PPP2R2B: variants seen among roughly 807,000 people sequenced by gnomAD.
The protein encoded by PPP2R2B is serine/threonine-protein phosphatase 2A 55 kDa regulatory subunit B beta isoform.
A neutral mutation model predicts 46.0 loss-of-function variants in PPP2R2B; 5 were observed. That is an observed-to-expected ratio of 0.11 (90% CI 0.06 to 0.23). The LOEUF is 0.23. PPP2R2B is among the 10% of genes least tolerant of loss of function. The probability of loss-of-function intolerance (pLI) is 1.00; values close to 1 mark genes in which losing one functional copy is unlikely to be tolerated. For missense variants in PPP2R2B, 367 were observed against 575.0 expected (o/e 0.64, Z 3.70); for synonymous variants, 215 against 206.7 (o/e 1.04, Z -0.34).
chr5:146,598,347 A>AC (rs1456020423), intron 8 of PPP2R2B, among the ~76,000 whole-genome samples: 1 of 152,018 alleles, frequency 6.6e-6, no homozygotes. Flanking sequence ...GTTTCCCCAA[A>AC]TCTCTCTTGC....
intron 2 of PPP2R2B, among the ~76,000 whole-genome samples, chr5:146,792,837 G>A (rs1194030292): frequency 6.6e-6 from 1 of 152,136 alleles, no homozygotes; most frequent in Non-Finnish European, 1.5e-5. Context: ...TAAACCGAAG[G>A]ACAGATGATG....
chr5:147,002,485 A>G (rs1329883377), intron 1 of PPP2R2B, among the ~76,000 whole-genome samples: 4 of 152,184 alleles, frequency 2.6e-5, no homozygotes, highest in East Asian at 1.9e-4. Context: ...TAAAGTCCCA[A>G]TACTAACAGG....
intron 1 of PPP2R2B, among the ~76,000 whole-genome samples, chr5:147,040,542 G>A (rs1332654010): frequency 2.6e-5 from 4 of 152,218 alleles, no homozygotes; most frequent in African/African-American, 7.2e-5. Context: ...GAAATTGTAG[G>A]AGAACCAGTT....
chr5:146,981,955 G>T lies in PPP2R2B; in HGVS notation c.79+73710C>A, dbSNP rs146085248. Reference sequence around the variant, plus strand: ...AACCTCTGCAGCAGTTGGCCCAGGTGGTCAGCATTTGGTCAATGATGGAGT... The same window carrying T: ...AACCTCTGCAGCAGTTGGCCCAGGTTGTCAGCATTTGGTCAATGATGGAGT... On this transcript the variant is annotated intron_variant, in intron 1 of 8. Coordinates refer to the PPP2R2B transcript ENST00000336640. 1.3e-3 allele frequency among the ~76,000 whole-genome samples: 205 copies of T among 152,234 alleles called. 1 individual carries two copies. The highest frequency in any genetic ancestry group is 4.5e-3 in the African/African-American group (188 of 41,554).
chr5:147,000,796 G>A (rs1163213325), intron 1 of PPP2R2B, among the ~76,000 whole-genome samples: 1 of 152,066 alleles, frequency 6.6e-6, no homozygotes, highest in African/African-American at 2.4e-5. Context: ...AGCACCATCA[G>A]CAAATGTCCC....
chr5:147,065,784 A>G (rs371196271), intron 2 of PPP2R2B, among the ~76,000 whole-genome samples: 1 of 152,200 alleles, frequency 6.6e-6, no homozygotes. Context: ...GGTGTTTGGG[A>G]GGGCTTTCGG....
At chr5:146,590,437 A>AT (rs1770520081) in intron 9 of PPP2R2B, among the ~76,000 whole-genome samples, 1 of 113,418 alleles carries the variant, frequency 8.8e-6, no homozygotes, top group Non-Finnish European at 1.7e-5. Context: ...AAGCAATAGG[A>AT]TTTTTGGCTG....
intron 1 of PPP2R2B, among the ~76,000 whole-genome samples, chr5:146,885,334 A>AGT (rs368187039): frequency 2.6e-5 from 4 of 151,998 alleles, no homozygotes; most frequent in South Asian, 2.1e-4. Flanking sequence ...AGCTATTGTG[A>AGT]GTGTGTGTGT....
chr5:146,637,701 T>C (rs1485488186), intron 7 of PPP2R2B, among the ~76,000 whole-genome samples: 2 of 152,208 alleles, frequency 1.3e-5, no homozygotes, highest in African/African-American at 2.4e-5. Context: ...ATAGTCACAA[T>C]CTCTCCAAGA....
At chr5:146,704,457 T>G (rs1387830740) in intron 2 of PPP2R2B, among the ~76,000 whole-genome samples, 3 of 152,258 alleles carry the variant, frequency 2.0e-5, no homozygotes, top group African/African-American at 4.8e-5. Flanking sequence ...TTTCATTAAC[T>G]GCTCAGCCTA....
chr5:146,849,268 T>G (rs1366987035), intron 2 of PPP2R2B, among the ~76,000 whole-genome samples: 2 of 152,212 alleles, frequency 1.3e-5, no homozygotes, highest in African/African-American at 4.8e-5. Flanking sequence ...CCTATGTATA[T>G]CTACATAAAT....
chr5:146,767,414 G>A lies in PPP2R2B; in HGVS notation c.71-66272C>T, dbSNP rs117002561. Among the ~76,000 whole-genome samples the A allele has an allele frequency of 9.2e-4, 140 of 152,208 alleles. No individual in the cohort carries two copies. In the East Asian group the frequency reaches 0.017, roughly 18 times the overall value. ...CACTGACTCTGCAGCTGGTTCTTCCGTGGTATAGAGTGAATCTTTCAGTAG... is the reference window on the plus strand; with the variant it reads ...CACTGACTCTGCAGCTGGTTCTTCCATGGTATAGAGTGAATCTTTCAGTAG... On this transcript the variant is annotated intron_variant, in intron 2 of 9. Transcript: ENST00000394411.
At chr5:146,842,112 C>T (rs972460984) in intron 2 of PPP2R2B, among the ~76,000 whole-genome samples, 1 of 152,100 alleles carries the variant, frequency 6.6e-6, no homozygotes, top group Admixed American at 6.5e-5. Flanking sequence ...ACAACATCCT[C>T]CCCTTAAAGT....
At chr5:146,917,234 T>G (rs1302576326) in intron 1 of PPP2R2B, among the ~76,000 whole-genome samples, 1 of 152,244 alleles carries the variant, frequency 6.6e-6, no homozygotes. Context: ...ACACCCTGCC[T>G]GCACAGGCTG....
intron 4 of PPP2R2B, among the ~76,000 whole-genome samples, chr5:146,692,612 C>A (rs1217403739): frequency 6.7e-6 from 1 of 148,876 alleles, no homozygotes; most frequent in Non-Finnish European, 1.5e-5. Context: ...CAGCTCACTG[C>A]AAGCTCTGCC....
At position 146,990,833 on chromosome 5, in the gene PPP2R2B, T is replaced by A. The variant is rs558956729; in HGVS notation, c.79+64832A>T. On this transcript the variant is annotated intron_variant, in intron 1 of 8. Coordinates refer to the PPP2R2B transcript ENST00000336640. The stretch of plus-strand genomic sequence containing the variant: ...TCTGACAATGGATTATTATTCAGAA[T>A]ATATAAGAAACTCAATGATTCAATA... Among the ~76,000 whole-genome samples the A allele has an allele frequency of 5.9e-4, 90 of 152,110 alleles. No homozygotes were observed. The South Asian group carries it at 0.017, about 28-fold the overall frequency.
At chr5:146,908,136 C>T (rs924338036) in intron 1 of PPP2R2B, among the ~76,000 whole-genome samples, 1 of 152,152 alleles carries the variant, frequency 6.6e-6, no homozygotes, top group Admixed American at 6.5e-5. Flanking sequence ...CCCAGGGCAC[C>T]ACAGTGAACT....
In PPP2R2B at chr5:147,081,137, C is replaced by T; in HGVS notation, c.-28-1G>A. ...GTGTCCTGGGTGAGTGTCCCAATTC[C>T]TGAAAACAACACAAGGAGACACTTC... is the stretch of plus-strand genomic sequence containing the variant. On this transcript the variant is annotated splice_acceptor_variant, in intron 1 of 10. Transcript: ENST00000394413. LOFTEE classifies it low-confidence loss of function (5UTR_SPLICE). 3 of 1,535,612 alleles carry T rather than the reference C, an allele frequency of 2.0e-6. 1 individual carries two copies.
chr5:146,921,805 T>A (rs1386270335), intron 1 of PPP2R2B, among the ~76,000 whole-genome samples: 1 of 152,218 alleles, frequency 6.6e-6, no homozygotes, highest in Non-Finnish European at 1.5e-5. Context: ...ACAGAGACCA[T>A]GTCTCACTAG....
Sources: gnomAD v4.1 joint callset for allele counts (sites outside exome capture counted in the v4.1 genomes callset) on GRCh38, gnomAD v4.1.1 for gene constraint, MANE v1.5 for transcripts, NCBI Gene and HGNC (gene_info 2026-07-23, HGNC 2026-07-21) for gene names.